SMYD3: variants seen among roughly 807,000 people sequenced by gnomAD.
SMYD3 encodes histone-lysine N-methyltransferase SMYD3.
Under a neutral mutation model 57.7 loss-of-function variants are expected in SMYD3, and 36 were observed. The ratio of observed to expected loss-of-function variants is 0.62; its 90% CI spans 0.48 to 0.82. The LOEUF is 0.82. Among genes scored for constraint, SMYD3 ranks in the 40% least tolerant of loss-of-function variants. SMYD3 has a pLI of 0.00. For synonymous variants in SMYD3, 211 were observed against 195.0 expected (o/e 1.08, Z -0.68); for missense variants, 515 against 538.8 (o/e 0.96, Z 0.44).
intron 5 of SMYD3, among the ~76,000 whole-genome samples, chr1:246,107,880 C>T (rs148477542): frequency 1.3e-5 from 2 of 152,258 alleles, no homozygotes; most frequent in East Asian, 3.9e-4. Context: ...CTGTTTACAC[C>T]ACAGAGCCAC....
intron 5 of SMYD3, among the ~76,000 whole-genome samples, chr1:245,980,839 A>G (rs146894790): frequency 1.3e-5 from 2 of 152,358 alleles, no homozygotes; most frequent in African/African-American, 2.4e-5. Flanking sequence ...CTAGACTAGC[A>G]GTCAACAAAC....
At chr1:246,140,115 T>C (rs574716184) in intron 5 of SMYD3, among the ~76,000 whole-genome samples, 3 of 152,366 alleles carry the variant, frequency 2.0e-5, no homozygotes, top group East Asian at 1.9e-4. Context: ...TCATGAAGAA[T>C]GCACATATAT....
At chr1:246,284,420 C>CTT (rs11354241) in intron 5 of SMYD3, among the ~76,000 whole-genome samples, 5 of 141,414 alleles carry the variant, frequency 3.5e-5, no homozygotes, top group Non-Finnish European at 7.7e-5. Context: ...TTTTCTTTTT[C>CTT]TTTTTTTTTT....
chr1:245,775,735 A>T (rs1450310109), intron 10 of SMYD3, among the ~76,000 whole-genome samples: 5 of 152,046 alleles, frequency 3.3e-5, no homozygotes, highest in Admixed American at 2.0e-4. Context: ...AAAAAATAAA[A>T]AAAATAAATG....
intron 7 of SMYD3, among the ~76,000 whole-genome samples, chr1:245,927,212 G>A (rs1308281503): frequency 6.6e-6 from 1 of 152,230 alleles, no homozygotes; most frequent in Non-Finnish European, 1.5e-5. Flanking sequence ...GGTAGTCACT[G>A]TGCAAACCAG....
intron 1 of SMYD3, among the ~76,000 whole-genome samples, chr1:246,407,974 C>T (rs1482049046): frequency 6.6e-6 from 1 of 151,546 alleles, no homozygotes; most frequent in African/African-American, 2.4e-5. Flanking sequence ...AATGAAGAAA[C>T]CTGAGGGCAG....
At chr1:245,845,882 C>G (rs2050638311) in intron 10 of SMYD3, among the ~76,000 whole-genome samples, 1 of 152,162 alleles carries the variant, frequency 6.6e-6, no homozygotes, top group African/African-American at 2.4e-5. Context: ...CCAGAGTTCA[C>G]CCACCCTCCT....
At chr1:245,847,447 A>T (rs1017666586) in intron 10 of SMYD3, among the ~76,000 whole-genome samples, 25 of 152,362 alleles carry the variant, frequency 1.6e-4, no homozygotes, top group Non-Finnish European at 2.6e-4. Flanking sequence ...TCATATTTTC[A>T]AAATTATGAA....
At chr1:245,761,199 T>G (rs759378429) in intron 11 of SMYD3, among the ~76,000 whole-genome samples, 1 of 152,170 alleles carries the variant, frequency 6.6e-6, no homozygotes, top group Non-Finnish European at 1.5e-5. Context: ...AATCTGATGC[T>G]GCTCCCAGAA....
At chr1:246,361,511 C>T (rs947773657) in intron 1 of SMYD3, among the ~76,000 whole-genome samples, 3 of 152,160 alleles carry the variant, frequency 2.0e-5, no homozygotes, top group Non-Finnish European at 4.4e-5. Flanking sequence ...TATAGCAGCA[C>T]AATTTGCAAT....
intron 5 of SMYD3, among the ~76,000 whole-genome samples, chr1:246,012,521 G>A (rs1006297875): frequency 1.3e-5 from 2 of 152,182 alleles, no homozygotes; most frequent in Admixed American, 1.3e-4. Flanking sequence ...TCACCTTCCA[G>A]GAGGCATTAA....
At chr1:246,412,373 C>G (rs539642963) in intron 1 of SMYD3, among the ~76,000 whole-genome samples, 2 of 152,250 alleles carry the variant, frequency 1.3e-5, no homozygotes, top group Non-Finnish European at 2.9e-5. Context: ...CCTAATTATC[C>G]TTTAGAAAGA....
intron 5 of SMYD3, among the ~76,000 whole-genome samples, chr1:246,007,663 A>C (rs2059199875): frequency 6.6e-6 from 1 of 151,914 alleles, no homozygotes; most frequent in African/African-American, 2.4e-5. Flanking sequence ...AGAAAAAAAA[A>C]AAAATTTGCC....
chr1:245,807,505 A>G (rs111423539), intron 10 of SMYD3, among the ~76,000 whole-genome samples: 57 of 152,282 alleles, frequency 3.7e-4, no homozygotes, highest in African/African-American at 1.4e-3. Context: ...AAATTACACA[A>G]TGCTACTTGA....
At chr1:245,825,384 G>A (rs1296500983) in intron 10 of SMYD3, among the ~76,000 whole-genome samples, 2 of 152,184 alleles carry the variant, frequency 1.3e-5, no homozygotes, top group Non-Finnish European at 2.9e-5. Flanking sequence ...AAACTACTAC[G>A]GGGGAAGTTA....
intron 1 of SMYD3, among the ~76,000 whole-genome samples, chr1:246,404,362 G>C (rs1336693748): frequency 6.6e-6 from 1 of 152,224 alleles, no homozygotes; most frequent in African/African-American, 2.4e-5. Flanking sequence ...CCTTGAGTCA[G>C]TTCAGCTGAA....
chr1:246,194,731 G>A (rs530096910), intron 5 of SMYD3, among the ~76,000 whole-genome samples: 49 of 152,206 alleles, frequency 3.2e-4, no homozygotes, highest in Admixed American at 7.8e-4. Context: ...CACATTCAAC[G>A]CATTTCAAGT....
At chr1:245,797,902 T>A (rs914840869) in intron 10 of SMYD3, among the ~76,000 whole-genome samples, 1 of 151,124 alleles carries the variant, frequency 6.6e-6, no homozygotes, top group Non-Finnish European at 1.5e-5. Context: ...TCTTATGTGT[T>A]CTAGGGAATT....
At chr1:245,796,596 C>T (rs1274012484) in intron 10 of SMYD3, among the ~76,000 whole-genome samples, 2 of 152,310 alleles carry the variant, frequency 1.3e-5, no homozygotes, top group South Asian at 2.1e-4. Context: ...TTTCCATCTA[C>T]AGACACTGGA....
Sources: gnomAD v4.1 joint callset for allele counts (sites outside exome capture counted in the v4.1 genomes callset) on GRCh38, gnomAD v4.1.1 for gene constraint, MANE v1.5 for transcripts, NCBI Gene and HGNC (gene_info 2026-07-23, HGNC 2026-07-21) for gene names.